Variants in MTO1 observed in about 807,000 individuals in gnomAD.
MTO1 encodes the protein 5-taurinomethyluridine-[tRNA] synthase subunit MTO1, mitochondrial.
Under a neutral mutation model 71.6 loss-of-function variants are expected in MTO1, and 46 were observed. The ratio of observed to expected loss-of-function variants is 0.64; its 90% confidence interval spans 0.51 to 0.82. The LOEUF (loss-of-function observed/expected upper bound fraction) is 0.82. MTO1 is among the 40% of genes least tolerant of loss of function. MTO1 has a pLI of 0.00. For synonymous variants in MTO1, 297 were observed against 312.1 expected (o/e 0.95, Z 0.51); for missense variants, 773 against 867.5 (o/e 0.89, Z 1.37).
intron 1 of MTO1, among the ~76,000 whole-genome samples, chr6:73,465,772 A>AG: frequency 2.0e-5 from 3 of 152,190 alleles, no homozygotes; most frequent in Admixed American, 2.0e-4. Flanking sequence ...AGATCACCTG[A>AG]GGTCAGGAGT....
chr6:73,485,773 G>T (rs932295730), intron 9 of MTO1, among the ~76,000 whole-genome samples: 1 of 152,068 alleles, frequency 6.6e-6, no homozygotes, highest in African/African-American at 2.4e-5. Context: ...CTTGATCAAT[G>T]CCCAGACATA....
intron 8 of MTO1, 33 bp downstream of exon 8, chr6:73,482,277 G>A (rs772793071): frequency 4.4e-6 from 7 of 1,608,332 alleles, no homozygotes; most frequent in Middle Eastern, 3.5e-4. Context: ...AATCCAGCCA[G>A]GCATGGTGGC....
intron 4 of MTO1, among the ~76,000 whole-genome samples, chr6:73,478,834 G>A (rs1037514425): frequency 3.3e-5 from 5 of 150,252 alleles, no homozygotes; most frequent in South Asian, 2.1e-4. Context: ...GAGCCACGGC[G>A]CCCAGCCCAA....
chr6:73,493,517 A>C (rs2150042975), intron 10 of MTO1, among the ~76,000 whole-genome samples: 1 of 151,698 alleles, frequency 6.6e-6, no homozygotes, highest in African/African-American at 2.4e-5. Context: ...CAGCCTCCCA[A>C]GTAGCTGGGG....
intron 1 of MTO1, 135 bp downstream of exon 1, chr6:73,462,206 G>C (rs1389145457): frequency 2.1e-6 from 2 of 950,070 alleles, no homozygotes; most frequent in Non-Finnish European, 3.1e-6. Context: ...TTTTAGCCTC[G>C]ATCAGTGTCT....
intron 3 of MTO1, among the ~76,000 whole-genome samples, chr6:73,467,561 C>T (rs372397855): frequency 2.0e-5 from 3 of 149,432 alleles, no homozygotes; most frequent in South Asian, 4.3e-4. Flanking sequence ...TGTGGTGAGC[C>T]GAGATCACAC....
rs927884316 is a variant in MTO1, at chr6:73,504,319, T to C, written c.*3584T>C. Reference sequence around the variant, plus strand: ...GCTAATTTTTAAGTTTTTGTAGATATGGGGTCTTACTATGTTGCCCAGGCT... The same window carrying C: ...GCTAATTTTTAAGTTTTTGTAGATACGGGGTCTTACTATGTTGCCCAGGCT... On this transcript the variant is annotated 3_prime_UTR_variant, in exon 12 of 12. Coordinates refer to ENST00000498286, the MANE Select transcript of MTO1 (RefSeq NM_012123.4). 4 of 152,144 alleles carry C rather than the reference T, an allele frequency of 2.6e-5. No homozygotes were observed. The highest frequency in any genetic ancestry group is 2.0e-4 in the Admixed American group (3 of 15,256). 9.4% of individuals were successfully genotyped at this position (152,144 alleles called of 1,614,324 possible).
rs1688536982 is a variant in MTO1 at position 73,462,079 on chromosome 6, G to GC, written c.217+9dup. On this transcript the variant is annotated intron_variant, in intron 1 of 11. Coordinates refer to ENST00000498286, the MANE Select transcript of MTO1 (RefSeq NM_012123.4). The stretch of plus-strand genomic sequence containing the variant: ...ACCGCGTGGACACGATCGGTGAGGA[G>GC]CGCGGGTGCTGTGGAACTTGGCGTA... 6.2e-7 allele frequency: 1 copy of GC among 1,611,678 alleles called. No homozygotes were observed.
chr6:73,473,927 A>G (rs1206911722), intron 4 of MTO1, among the ~76,000 whole-genome samples: 2 of 151,346 alleles, frequency 1.3e-5, no homozygotes, highest in East Asian at 1.9e-4. Context: ...AGCTGAGACC[A>G]TAGGCATGAG....
At chr6:73,471,085 C>T (rs1250727614) in intron 3 of MTO1, among the ~76,000 whole-genome samples, 2 of 151,990 alleles carry the variant, frequency 1.3e-5, no homozygotes, top group Non-Finnish European at 2.9e-5. Context: ...TGTCTTCATG[C>T]ATATGTATAT....
Position 73,504,953 on chromosome 6 carries a change from G to C in MTO1, c.*4218G>C, listed in dbSNP as rs187933259. ...ATTTTGGGATTACAAATCTGCCAGC[G>C]CAAGCAGATCACTTGAGGATAGGAG... On this transcript the variant is annotated 3_prime_UTR_variant, in exon 12 of 12. Transcript: ENST00000498286. 1 of 151,634 alleles carries C rather than the reference G, an allele frequency of 6.6e-6. No individual in the cohort carries two copies. Among genetic ancestry groups the C allele is most frequent in the Non-Finnish European group, 1.5e-5 (1 of 67,972 alleles). 9.4% of individuals were successfully genotyped at this position (151,634 alleles called of 1,614,324 possible).
intron 3 of MTO1, 44 bp from the exon 4 acceptor site, chr6:73,473,321 T>C (rs1771205606): frequency 1.6e-5 from 24 of 1,515,606 alleles, no homozygotes; most frequent in Non-Finnish European, 2.1e-5. Flanking sequence ...CATAAATACA[T>C]AGATACATAG....
intron 10 of MTO1, among the ~76,000 whole-genome samples, chr6:73,495,300 A>G (rs1326587106): frequency 6.6e-6 from 1 of 152,228 alleles, no homozygotes; most frequent in Non-Finnish European, 1.5e-5. Flanking sequence ...TTATTTTACC[A>G]TCACAATTTC....
chr6:73,500,850 T>C lies in MTO1; in HGVS notation c.*115T>C. The C allele has an allele frequency of 1.1e-6, 1 of 933,676 alleles. No homozygotes were observed. The highest frequency in any genetic ancestry group is 1.7e-5 in the African/African-American group (1 of 58,276). The allele number at this position is 933,676 out of a possible 1,614,324, so 57.8% of individuals were successfully genotyped here. On this transcript the variant is annotated 3_prime_UTR_variant, in exon 12 of 12. Transcript: ENST00000498286. ...AATAGCTTTATTAGGTTACTATGGG[T>C]TTGCCATTAATTTCTGAGTGGGACA...
intron 4 of MTO1, among the ~76,000 whole-genome samples, chr6:73,475,183 G>C (rs193092461): frequency 1.5e-3 from 225 of 151,590 alleles, no homozygotes; most frequent in African/African-American, 5.1e-3. Context: ...GGCTGGTCTC[G>C]TACTCCTGAG....
At chr6:73,497,518 C>A (rs931696610) in intron 10 of MTO1, among the ~76,000 whole-genome samples, 1 of 151,986 alleles carries the variant, frequency 6.6e-6, no homozygotes, top group Non-Finnish European at 1.5e-5. Context: ...AACTACTAGA[C>A]AGAATGTTGT....
At chr6:73,476,858 G>C (rs949637456) in intron 4 of MTO1, among the ~76,000 whole-genome samples, 4 of 150,308 alleles carry the variant, frequency 2.7e-5, no homozygotes, top group African/African-American at 9.8e-5. Flanking sequence ...GTGCAATCTC[G>C]GCTTACTGCA....
intron 7 of MTO1, 164 bp downstream of exon 7, chr6:73,480,969 G>GTTTT (rs398001972): frequency 1.6e-4 from 38 of 232,696 alleles, no homozygotes; most frequent in Non-Finnish European, 2.0e-4. Context: ...AGATAATAGG[G>GTTTT]TTTTTTTTTT....
chr6:73,479,693 A>T (rs1427446346), intron 4 of MTO1, 39 bp from the exon 5 acceptor site: 2 of 1,493,050 alleles, frequency 1.3e-6, no homozygotes, highest in Non-Finnish European at 1.9e-6. Context: ...AAACTAGTAG[A>T]TAAGCAAATC....
Sources: gnomAD v4.1 joint callset for allele counts (sites outside exome capture counted in the v4.1 genomes callset) on GRCh38, gnomAD v4.1.1 for gene constraint, MANE v1.5 for transcripts, NCBI Gene and HGNC (gene_info 2026-07-23, HGNC 2026-07-21) for gene names.